KCNN2: variants seen among roughly 807,000 people sequenced by gnomAD.
KCNN2 encodes the protein small conductance calcium-activated potassium channel protein 2.
In KCNN2, 24 loss-of-function variants were observed where a neutral mutation model predicts 55.5. The ratio of observed to expected loss-of-function variants is 0.43; its 90% CI spans 0.31 to 0.61. The LOEUF is 0.61. KCNN2 is among the 20% of genes least tolerant of loss of function. The probability of loss-of-function intolerance (pLI) is 0.08; values close to 1 mark genes in which losing one functional copy is unlikely to be tolerated. For synonymous variants in KCNN2, 431 were observed against 336.1 expected (o/e 1.28, Z -3.09); for missense variants, 754 against 853.6 (o/e 0.88, Z 1.45).
At chr5:114,411,065 G>A (rs1580803607) in intron 3 of KCNN2, among the ~76,000 whole-genome samples, 1 of 152,034 alleles carries the variant, frequency 6.6e-6, no homozygotes, top group South Asian at 2.1e-4. Context: ...AAATAAATTA[G>A]GTATTTATTC....
At chr5:114,377,197 G>A (rs1047071539) in intron 2 of KCNN2, among the ~76,000 whole-genome samples, 1 of 152,188 alleles carries the variant, frequency 6.6e-6, no homozygotes, top group Non-Finnish European at 1.5e-5. Context: ...CTGGCTGTGT[G>A]TACATAACCT....
In KCNN2 at chr5:114,448,962, C is replaced by T. The variant is rs55697717; in HGVS notation, c.1638-14087C>T. Among the ~76,000 whole-genome samples the T allele has an allele frequency of 1.8e-3, 281 of 152,252 alleles. 3 individuals carry two copies. The highest frequency in any genetic ancestry group is 6.4e-3 in the African/African-American group (266 of 41,558). ...CCCTGTCAAAAAATTCTCAGGAATA[C>T]GTGACTGATACTAGACATAGAGATG... On this transcript the variant is annotated intron_variant, in intron 3 of 7. Transcript: ENST00000673685.
chr5:114,322,604 C>CAT (rs1221635910), intron 2 of KCNN2, among the ~76,000 whole-genome samples: 65 of 151,716 alleles, frequency 4.3e-4, no homozygotes, highest in African/African-American at 1.4e-3. Context: ...CACACACACA[C>CAT]ATACACACTT....
At chr5:114,202,170 C>G (rs976310211) in intron 1 of KCNN2, among the ~76,000 whole-genome samples, 1 of 152,050 alleles carries the variant, frequency 6.6e-6, no homozygotes, top group Admixed American at 6.6e-5. Flanking sequence ...CCAGCTGCGG[C>G]TGCTCCAGGG....
intron 2 of KCNN2, among the ~76,000 whole-genome samples, chr5:114,346,766 C>A (rs1757110336): frequency 4.2e-5 from 3 of 71,766 alleles, no homozygotes; most frequent in Admixed American, 1.8e-4. Context: ...TAAATTCATT[C>A]TCCAAAAAAA....
chr5:114,491,209 T>C (rs375871136), intron 6 of KCNN2, among the ~76,000 whole-genome samples: 9 of 152,272 alleles, frequency 5.9e-5, no homozygotes, highest in Admixed American at 4.6e-4. Context: ...CACTGGCCCT[T>C]CTAGCCTGAC....
chr5:114,352,428 C>G (rs1757222805), intron 2 of KCNN2, among the ~76,000 whole-genome samples: 1 of 151,388 alleles, frequency 6.6e-6, no homozygotes, highest in African/African-American at 2.4e-5. Context: ...TTGTTAACTT[C>G]CACTCTAGTC....
intron 2 of KCNN2, among the ~76,000 whole-genome samples, chr5:114,329,902 A>G (rs752734291): frequency 6.6e-6 from 1 of 152,036 alleles, no homozygotes; most frequent in Non-Finnish European, 1.5e-5. Context: ...TTAGGGTGAC[A>G]TTATTCCTCC....
intron 2 of KCNN2, among the ~76,000 whole-genome samples, chr5:114,371,208 A>G (rs1417901715): frequency 6.6e-6 from 1 of 152,208 alleles, no homozygotes; most frequent in Non-Finnish European, 1.5e-5. Flanking sequence ...TTCTTTTAGC[A>G]TAATATATTT....
intron 1 of KCNN2, among the ~76,000 whole-genome samples, chr5:114,187,638 T>A (rs1167594527): frequency 6.7e-6 from 1 of 150,064 alleles, no homozygotes; most frequent in Non-Finnish European, 1.5e-5. Flanking sequence ...CCTGAGTAGC[T>A]GGGACTACAG....
At chr5:114,223,187 T>G (rs1754178237) in intron 2 of KCNN2, among the ~76,000 whole-genome samples, 1 of 152,202 alleles carries the variant, frequency 6.6e-6, no homozygotes, top group South Asian at 2.1e-4. Flanking sequence ...ATTGATAGCA[T>G]CCATCGTTTG....
At chr5:114,205,546 G>A (rs1387793258) in intron 1 of KCNN2, among the ~76,000 whole-genome samples, 2 of 152,172 alleles carry the variant, frequency 1.3e-5, no homozygotes, top group Non-Finnish European at 2.9e-5. Context: ...ATCACTGTAG[G>A]TGGTATAGAA....
At chr5:114,101,792 C>T (rs184627212) in intron 1 of KCNN2, among the ~76,000 whole-genome samples, 256 of 152,184 alleles carry the variant, frequency 1.7e-3, no homozygotes, top group South Asian at 6.8e-3. Flanking sequence ...CGTAGTTTTC[C>T]GTGGTGTATA....
chr5:114,401,811 G>A (rs1758796597), intron 2 of KCNN2, among the ~76,000 whole-genome samples: 1 of 152,250 alleles, frequency 6.6e-6, no homozygotes, highest in South Asian at 2.1e-4. Flanking sequence ...ATAGGGAGAT[G>A]TAAGTAGAAT....
chr5:114,080,720 A>G (rs1750795407), intron 1 of KCNN2, among the ~76,000 whole-genome samples: 1 of 152,184 alleles, frequency 6.6e-6, no homozygotes, highest in Non-Finnish European at 1.5e-5. Flanking sequence ...ACCAATAGTG[A>G]ACATGATACT....
At chr5:114,249,744 CAAAAAAA>C (rs70976329) in intron 2 of KCNN2, among the ~76,000 whole-genome samples, 2 of 141,904 alleles carry the variant, frequency 1.4e-5, no homozygotes, top group Admixed American at 7.0e-5. Flanking sequence ...ACCCTAGCTT[CAAAAAAA>C]AAAAAAAAAA....
chr5:114,241,110 T>A (rs1754608855), intron 2 of KCNN2, among the ~76,000 whole-genome samples: 1 of 151,866 alleles, frequency 6.6e-6, no homozygotes, highest in African/African-American at 2.4e-5. Flanking sequence ...CACTTAGATA[T>A]AAGTACTTGA....
At chr5:114,143,146 G>A (rs1423830823) in intron 1 of KCNN2, among the ~76,000 whole-genome samples, 1 of 152,090 alleles carries the variant, frequency 6.6e-6, no homozygotes, top group Non-Finnish European at 1.5e-5. Flanking sequence ...TTTTAGTGAG[G>A]GTGGGGGTAG....
At chr5:114,363,782 C>T in intron 1 of KCNN2, 124 bp from the exon 2 acceptor site, 2 of 680,998 alleles carry the variant, frequency 2.9e-6, no homozygotes, top group Non-Finnish European at 2.6e-6. Flanking sequence ...AGGTGCACCC[C>T]TCTCCCCTTA....
Sources: allele counts gnomAD v4.1 joint callset (sites outside exome capture counted in the v4.1 genomes callset), GRCh38; gene constraint gnomAD v4.1.1; transcripts MANE v1.5; gene names NCBI Gene and HGNC (gene_info 2026-07-23, HGNC 2026-07-21).